NR1H2: variants seen among roughly 807,000 people sequenced by gnomAD.
NR1H2 encodes the protein nuclear receptor subfamily 1 group H member 2.
Under a neutral mutation model 51.2 loss-of-function variants are expected in NR1H2, and 33 were observed. That is an observed-to-expected ratio of 0.64 (90% CI 0.49 to 0.86). The LOEUF (loss-of-function observed/expected upper bound fraction) is 0.86, where lower values mean the gene tolerates loss of function less well. Ranked by LOEUF, NR1H2 falls within the 40% of genes least tolerant of loss-of-function variation. The pLI is 0.00. For missense variants in NR1H2, 592 were observed against 639.9 expected, an observed-to-expected ratio of 0.93 and a Z score of 0.81; for synonymous variants, 310 against 264.3, an observed-to-expected ratio of 1.17 and a Z score of -1.68.
At position 50,377,663 on chromosome 19, in the gene NR1H2, T is replaced by A. The variant is rs778729973; in HGVS notation, c.43+15T>A. On this transcript the variant is annotated intron_variant, in intron 3 of 9. Coordinates refer to ENST00000253727, the MANE Select transcript of NR1H2 (RefSeq NM_007121.7). ...CCCCCTGCCTGGTGAGTGACTCTCT[T>A]CCCCACCCAGCCCTTATCACACACG... is the stretch of plus-strand genomic sequence containing the variant. 1 of 1,612,506 alleles carries A rather than the reference T, an allele frequency of 6.2e-7. No homozygotes were observed. The highest frequency in any genetic ancestry group is 8.5e-7 in the Non-Finnish European group (1 of 1,179,150).
chr19:50,378,220 G>A lies in NR1H2; in HGVS notation c.253G>A (p.Glu85Lys). 2.5e-6 allele frequency: 4 copies of A among 1,613,600 alleles called. No individual in the cohort carries two copies. Among genetic ancestry groups the A allele is most frequent in the African/African-American group, 1.3e-5 (1 of 75,066 alleles). ...CCCAGCCCCGAAGATGCTGGGCCAC[G>A]AGCTTTGCCGTGTCTGTGGGGACAA... ...KGPAPKMLGH[E>K]LCRVCGDKAS... Residue 85 changes from glutamate (E) to lysine (K), a missense_variant, in exon 5 of 10, where the codon GAG (glutamate) becomes AAG (lysine). Physicochemically the swap from Glu to Lys is moderately conservative, Grantham distance 56. Transcript: ENST00000253727.
chr19:50,377,061 G>C (rs1263923485), intron 2 of NR1H2, among the ~76,000 whole-genome samples: 3 of 147,940 alleles, frequency 2.0e-5, no homozygotes, highest in Non-Finnish European at 4.5e-5. Context: ...CCTGGAGCGA[G>C]GTTGTGGGGG....
Position 50,382,491 on chromosome 19 carries a change from G to T in NR1H2, c.1272G>T (p.Leu424=). The T allele has an allele frequency of 1.2e-6, 2 of 1,610,340 alleles. No homozygotes were observed. The change falls in exon 10 of 10, where the codon CTG becomes CTT. Residue 424 remains leucine, a synonymous_variant. Coordinates refer to ENST00000253727, the MANE Select transcript of NR1H2 (RefSeq NM_007121.7). ...QLRFPRMLMK[L]VSLRTLSSVH... is the part of the protein sequence containing the mutation. ...GCTTCCCGCGCATGCTCATGAAGCT[G>T]GTGAGCCTGCGCACGCTGAGCTCTG...
chr19:50,382,776 G>A lies in NR1H2; in HGVS notation c.*174G>A. 1.6e-6 allele frequency: 1 copy of A among 630,952 alleles called. No individual in the cohort carries two copies. The highest frequency in any genetic ancestry group is 2.5e-6 in the Non-Finnish European group (1 of 393,028). The allele number at this position is 630,952 out of a possible 1,614,324, so 39.1% of individuals were successfully genotyped here. ...GTCCAGGAGGCTCCCTCCCTGCCCAGCGAGTCTTCCAGAAGGGGTGAAAGG... is the reference window on the plus strand; with the variant it reads ...GTCCAGGAGGCTCCCTCCCTGCCCAACGAGTCTTCCAGAAGGGGTGAAAGG... On this transcript the variant is annotated 3_prime_UTR_variant, in exon 10 of 10. Coordinates refer to ENST00000253727, the MANE Select transcript of NR1H2 (RefSeq NM_007121.7).
rs755298052 is a variant in NR1H2 at position 50,378,610 on chromosome 19, G to T, written c.561G>T (p.Pro187=). 1.2e-6 allele frequency: 2 copies of T among 1,613,994 alleles called. No homozygotes were observed. The highest frequency in any genetic ancestry group is 1.7e-6 in the Non-Finnish European group (2 of 1,179,962). The change falls in exon 6 of 10, where the codon CCG becomes CCT. Residue 187 remains proline, a synonymous_variant. Transcript: ENST00000253727. The stretch of plus-strand genomic sequence containing the variant: ...CACAGTCGCAGTCACCTGTGGGGCC[G>T]CAGGGCAGCAGCAGCTCAGCCTCTG... ...SQSQSQSPVG[P]QGSSSSASGP...
intron 8 of NR1H2, among the ~76,000 whole-genome samples, chr19:50,381,529 A>T (rs1285903702): frequency 6.6e-6 from 1 of 152,212 alleles, no homozygotes; most frequent in Non-Finnish European, 1.5e-5. Context: ...GCAGGTACTC[A>T]GTGACATTTG....
chr19:50,383,376 T>G lies in NR1H2; in HGVS notation c.*774T>G, dbSNP rs1370265236. ...TGGAGACATTCACCCAATAAATGTT[T>G]CCAGAGCATTAACTACAGTTAGGCA... is the stretch of plus-strand genomic sequence containing the variant. On this transcript the variant is annotated 3_prime_UTR_variant, in exon 10 of 10. Coordinates refer to ENST00000253727, the MANE Select transcript of NR1H2 (RefSeq NM_007121.7). Among the ~76,000 whole-genome samples the G allele has an allele frequency of 6.6e-6, 1 of 152,228 alleles. No individual in the cohort carries two copies. The highest frequency in any genetic ancestry group is 1.5e-5 in the Non-Finnish European group (1 of 68,054).
At position 50,377,797 on chromosome 19, in the gene NR1H2, G is replaced by A. The variant is rs55671147; in HGVS notation, c.108G>A (p.Glu36=). 21,977 of 1,610,756 alleles carry A rather than the reference G, an allele frequency of 0.014. 154 individuals carry two copies. Among genetic ancestry groups the A allele is most frequent in the Non-Finnish European group, 0.017 (19,868 of 1,178,506 alleles). Reference sequence around the variant, plus strand: ...CCACTGTAAAGGAGGAGGGTCCGGAGCCGTGGCCCGGGGGTCCGGACCCTG... The same window carrying A: ...CCACTGTAAAGGAGGAGGGTCCGGAACCGTGGCCCGGGGGTCCGGACCCTG... ...SSPTVKEEGP[E]PWPGGPDPDV... The change falls in exon 4 of 10, where the codon GAG becomes GAA. Residue 36 remains glutamate (E), a synonymous_variant. Coordinates refer to ENST00000253727, the MANE Select transcript of NR1H2 (RefSeq NM_007121.7).
Position 50,378,308 on chromosome 19 carries a change from G to A in NR1H2, c.341G>A (p.Ser114Asn), listed in dbSNP as rs771140870. 3 of 1,613,244 alleles carry A rather than the reference G, an allele frequency of 1.9e-6. No individual in the cohort carries two copies. Among genetic ancestry groups the A allele is most frequent in the East Asian group, 2.2e-5 (1 of 44,888 alleles). The change falls in exon 5 of 10, where the codon AGT (serine) becomes AAT (asparagine). Residue 114 changes from serine (S) to asparagine (N), a missense_variant. Coordinates refer to ENST00000253727, the MANE Select transcript of NR1H2 (RefSeq NM_007121.7). ...CEGCKGFFRR[S>N]VVRGGARRYA... ...GGCTGCAAGGGCTTCTTCCGGCGCA[G>A]TGTGGTCCGTGGTGGGGCCAGGCGC...
At chr19:50,377,517 C>T (rs1601138508) in intron 2 of NR1H2, 70 bp from the exon 3 acceptor site, 1 of 1,225,036 alleles carries the variant, frequency 8.2e-7, no homozygotes, top group Non-Finnish European at 1.2e-6. Context: ...AAAGCCCTGT[C>T]AGGACCTGTA....
In NR1H2 at chr19:50,382,690, G is replaced by T. The variant is rs927918969; in HGVS notation, c.*88G>T. On this transcript the variant is annotated 3_prime_UTR_variant, in exon 10 of 10. Coordinates refer to ENST00000253727, the MANE Select transcript of NR1H2 (RefSeq NM_007121.7). ...CCCTTCCTCTTCCTAGGGTGGAAGG[G>T]GCCCTGGGCCGAGCCTGTAGACCTA... The T allele has an allele frequency of 5.0e-6, 7 of 1,395,786 alleles. No homozygotes were observed. The Admixed American group carries it at 7.0e-5, about 14-fold the overall frequency. The allele number at this position is 1,395,786 out of a possible 1,614,324, so 86.5% of individuals were successfully genotyped here.
At chr19:50,376,996 C>CAGT (rs2037676472) in intron 2 of NR1H2, among the ~76,000 whole-genome samples, 170 bp downstream of exon 2, 2 of 46,806 alleles carry the variant, frequency 4.3e-5, no homozygotes, top group African/African-American at 1.7e-4. Context: ...TGTGGGGGTG[C>CAGT]AGTAGGAAGG....
In NR1H2 at chr19:50,377,806, C is replaced by T. The variant is rs191100781; in HGVS notation, c.117C>T (p.Pro39=). 60 of 1,609,880 alleles carry T rather than the reference C, an allele frequency of 3.7e-5. 1 individual carries two copies. The African/African-American group carries it at 5.5e-4, about 15-fold the overall frequency. The change falls in exon 4 of 10, where the codon CCC becomes CCT. Residue 39 remains proline, a synonymous_variant. Coordinates refer to ENST00000253727, the MANE Select transcript of NR1H2 (RefSeq NM_007121.7). ...TVKEEGPEPW[P]GGPDPDVPGT... is the part of the protein sequence containing the mutation. Reference sequence around the variant, plus strand: ...AGGAGGAGGGTCCGGAGCCGTGGCCCGGGGGTCCGGACCCTGATGTCCCAG... The same window carrying T: ...AGGAGGAGGGTCCGGAGCCGTGGCCTGGGGGTCCGGACCCTGATGTCCCAG...
intron 8 of NR1H2, 136 bp downstream of exon 8, chr19:50,380,015 G>C (rs1224673201): frequency 1.5e-6 from 1 of 677,484 alleles, no homozygotes. Context: ...GTGAGAGTGA[G>C]GTAAGAGTGC....
At chr19:50,378,019 C>A in intron 4 of NR1H2, 130 bp from the exon 5 acceptor site, 1 of 1,420,152 alleles carries the variant, frequency 7.0e-7, no homozygotes, top group Non-Finnish European at 9.5e-7. Context: ...TGCAATTTCC[C>A]TGAATGTGAG....
Position 50,379,999 on chromosome 19 carries a change from G to T in NR1H2, c.1027+120G>T. 3 of 717,076 alleles carry T rather than the reference G, an allele frequency of 4.2e-6. No homozygotes were observed. The South Asian group carries it at 4.6e-5, about 11-fold the overall frequency. 44.4% of individuals were successfully genotyped at this position (717,076 alleles called of 1,614,324 possible). A position where few individuals can be genotyped will look rare whatever the true frequency, so the allele number is the denominator to read the frequency against. On this transcript the variant is annotated intron_variant, in intron 8 of 9. Transcript: ENST00000253727. ...TCTCCAAAGTTGGGGTGAGGGTTGA[G>T]CCAAGGTGAGAGTGAGGTAAGAGTG...
chr19:50,381,631 G>A (rs760807485), intron 8 of NR1H2, among the ~76,000 whole-genome samples: 1 of 152,232 alleles, frequency 6.6e-6, no homozygotes, highest in East Asian at 1.9e-4. Context: ...ATGTGACCTA[G>A]GTTTTAAAAG....
Position 50,377,611 on chromosome 19 carries a change from C to G in NR1H2, c.6C>G (p.Ser2=), listed in dbSNP as rs1257053416. Residue 2 remains serine, a synonymous_variant, in exon 3 of 10, where the codon TCC becomes TCG. Coordinates refer to ENST00000253727, the MANE Select transcript of NR1H2 (RefSeq NM_007121.7). ...GGCTGCTCCGTGACCCCACCATGTC[C>G]TCTCCTACCACGAGTTCCCTGGATA... M[S]SPTTSSLDTP... The G allele has an allele frequency of 6.2e-7, 1 of 1,613,890 alleles. No homozygotes were observed. The highest frequency in any genetic ancestry group is 1.1e-5 in the South Asian group (1 of 91,078).
In NR1H2 at chr19:50,382,088, A is replaced by G; in HGVS notation, c.1150A>G (p.Asn384Asp). Residue 384 changes from asparagine to aspartate, a missense_variant, in exon 9 of 10, where the codon AAC (asparagine) becomes GAC (aspartate). By Grantham distance (23) the Asn-to-Asp change is conservative. This residue lies in a region of NR1H2 where 174 missense variants were observed against 174.0 expected (regional missense o/e 1.00). Transcript: ENST00000253727. ...CAACATCTTCTCGGCCGACCGGCCCAACGTGCAGGAGCCGGGCCGCGTGGA... is the reference window on the plus strand; with the variant it reads ...CAACATCTTCTCGGCCGACCGGCCCGACGTGCAGGAGCCGGGCCGCGTGGA... ...AINIFSADRP[N>D]VQEPGRVEAL... is the part of the protein sequence containing the mutation. 3 of 1,549,760 alleles carry G rather than the reference A, an allele frequency of 1.9e-6. No homozygotes were observed. Among genetic ancestry groups the G allele is most frequent in the Admixed American group, 2.0e-5 (1 of 51,204 alleles).
Sources: gnomAD v4.1 joint callset for allele counts (sites outside exome capture counted in the v4.1 genomes callset) on GRCh38, gnomAD v4.1.1 for gene constraint, gnomAD v4.1.1 regional missense constraint, MANE v1.5 for transcripts, NCBI Gene and HGNC (gene_info 2026-07-23, HGNC 2026-07-21) for gene names.